The following MIPOL1 variants were observed in gnomAD, a reference collection of about 807,000 sequenced individuals.
The protein encoded by MIPOL1 is mirror-image polydactyly 1.
A neutral mutation model predicts 60.9 loss-of-function variants in MIPOL1; 57 were observed. The ratio of observed to expected loss-of-function variants is 0.94; its 90% confidence interval spans 0.76 to 1.17. MIPOL1 has a LOEUF of 1.17. Ranked by LOEUF, MIPOL1 falls within the 50% of genes most tolerant of loss-of-function variation. The probability of loss-of-function intolerance (pLI) is 0.00; values close to 1 mark genes in which losing one functional copy is unlikely to be tolerated. For missense variants in MIPOL1, 551 were observed against 511.6 expected (o/e 1.08, Z -0.74); for synonymous variants, 179 against 168.8 (o/e 1.06, Z -0.47).
chr14:37,300,077 A>G (rs544346700), intron 7 of MIPOL1, among the ~76,000 whole-genome samples: 4 of 151,768 alleles, frequency 2.6e-5, no homozygotes, highest in Non-Finnish European at 5.9e-5. Flanking sequence ...TATTTTCCTA[A>G]TAGGATTTAC....
In MIPOL1 at chr14:37,542,371, C is replaced by T. The variant is rs553695509; in HGVS notation, c.1263-4534C>T. On this transcript the variant is annotated intron_variant, in intron 12 of 12. Transcript: ENST00000684589. ...TTCTCCTTTTTTATTTCTTCTCTCT[C>T]TAAACATTTCCATCCCCTCCTCTGG... 9.2e-5 allele frequency among the ~76,000 whole-genome samples: 14 copies of T among 152,150 alleles called. No individual in the cohort carries two copies. In the East Asian group the frequency reaches 2.7e-3, roughly 29 times the overall value.
chr14:37,282,120 TAAAAC>T (rs1474432100), intron 6 of MIPOL1, among the ~76,000 whole-genome samples: 1 of 152,082 alleles, frequency 6.6e-6, no homozygotes, highest in African/African-American at 2.4e-5. Flanking sequence ...ATATAACACT[TAAAAC>T]TAAAAGAGCA....
chr14:37,265,588 T>C (rs1009924334), intron 3 of MIPOL1, among the ~76,000 whole-genome samples: 4 of 152,152 alleles, frequency 2.6e-5, no homozygotes, highest in Non-Finnish European at 5.9e-5. Flanking sequence ...GAGGAGAGCA[T>C]TGAAAGCCTT....
chr14:37,344,177 A>G (rs1243828498), intron 9 of MIPOL1, among the ~76,000 whole-genome samples: 1 of 152,190 alleles, frequency 6.6e-6, no homozygotes, highest in East Asian at 1.9e-4. Flanking sequence ...CCAATACCTC[A>G]TAAATATTAT....
chr14:37,263,829 T>G (rs938366059), intron 3 of MIPOL1, among the ~76,000 whole-genome samples: 1 of 152,184 alleles, frequency 6.6e-6, no homozygotes, highest in African/African-American at 2.4e-5. Context: ...ATGAAAGAGA[T>G]AGAGGAATCA....
intron 9 of MIPOL1, among the ~76,000 whole-genome samples, chr14:37,354,097 G>T (rs1407930463): frequency 6.7e-6 from 1 of 150,364 alleles, no homozygotes; most frequent in Non-Finnish European, 1.5e-5. Flanking sequence ...AGAGATTCTG[G>T]TATGTTGTGT....
At chr14:37,495,421 A>G (rs919405790) in intron 11 of MIPOL1, among the ~76,000 whole-genome samples, 8 of 149,550 alleles carry the variant, frequency 5.3e-5, no homozygotes, top group East Asian at 2.0e-4. Context: ...GAGAATGATG[A>G]TTTCCAATTT....
At chr14:37,528,874 G>A (rs958245067) in intron 12 of MIPOL1, among the ~76,000 whole-genome samples, 2 of 152,194 alleles carry the variant, frequency 1.3e-5, no homozygotes, top group African/African-American at 2.4e-5. Flanking sequence ...GACTGAGAGA[G>A]AAGGTTTGGA....
chr14:37,430,084 C>T (rs570741074), intron 11 of MIPOL1, among the ~76,000 whole-genome samples: 174 of 152,156 alleles, frequency 1.1e-3, no homozygotes, highest in African/African-American at 4.0e-3. Flanking sequence ...TTTGTCACAC[C>T]TCTGTTTTCT....
intron 11 of MIPOL1, among the ~76,000 whole-genome samples, chr14:37,469,628 T>G (rs1451243330): frequency 1.3e-5 from 2 of 152,164 alleles, no homozygotes; most frequent in South Asian, 4.1e-4. Flanking sequence ...CAGAAGTTTA[T>G]GGATTGGAAA....
At chr14:37,327,448 C>T (rs1474888) in intron 9 of MIPOL1, among the ~76,000 whole-genome samples, 147,460 of 152,224 alleles carry the variant, frequency 0.97, 71,501 homozygotes, top group East Asian at 1. Flanking sequence ...CCACCACACC[C>T]GGCTACTTTT....
chr14:37,525,632 A>T (rs1379814595), intron 12 of MIPOL1, among the ~76,000 whole-genome samples: 1 of 152,192 alleles, frequency 6.6e-6, no homozygotes, highest in African/African-American at 2.4e-5. Context: ...TTATAAAAGG[A>T]TGTTGTTCCC....
chr14:37,369,523 C>T lies in MIPOL1; in HGVS notation c.835C>T (p.Arg279Trp), dbSNP rs150750462. The T allele has an allele frequency of 7.6e-5, 123 of 1,609,834 alleles. 1 individual carries two copies. Among genetic ancestry groups the T allele is most frequent in the Non-Finnish European group, 9.0e-5 (106 of 1,177,430 alleles). Residue 279 changes from arginine to tryptophan, a missense_variant, in exon 10 of 13, where the codon CGG (arginine) becomes TGG (tryptophan). Arg to Trp is a moderately radical substitution (Grantham distance 101). Transcript: ENST00000684589. The stretch of plus-strand genomic sequence containing the variant: ...GATTCTTCCCCTGTGGCAGTGCAAA[C>T]GGTTAGAGCAGGAGCTTCATCATGT... ...ERDAALSKCK[R>W]LEQELHHVKE...
intron 1 of MIPOL1, among the ~76,000 whole-genome samples, chr14:37,244,224 A>G (rs1014151778): frequency 3.5e-5 from 5 of 143,648 alleles, no homozygotes; most frequent in African/African-American, 1.3e-4. Flanking sequence ...GGTTCAAGCA[A>G]TTCTCCTGCC....
At chr14:37,314,426 T>C (rs999366267) in intron 9 of MIPOL1, among the ~76,000 whole-genome samples, 2 of 152,160 alleles carry the variant, frequency 1.3e-5, no homozygotes, top group African/African-American at 2.4e-5. Context: ...AATCTAGTGA[T>C]GTAATGAAGA....
At chr14:37,489,192 T>C (rs149790776) in intron 11 of MIPOL1, among the ~76,000 whole-genome samples, 253 of 152,326 alleles carry the variant, frequency 1.7e-3, no homozygotes, top group African/African-American at 5.6e-3. Flanking sequence ...GTCGTCACAC[T>C]TTATTTCATT....
chr14:37,464,504 T>A (rs1396729340), intron 11 of MIPOL1, among the ~76,000 whole-genome samples: 1 of 152,172 alleles, frequency 6.6e-6, no homozygotes, highest in Non-Finnish European at 1.5e-5. Context: ...CTCTGTGTTC[T>A]CATAACTTAT....
At chr14:37,441,186 T>C (rs1310858244) in intron 11 of MIPOL1, among the ~76,000 whole-genome samples, 1 of 152,212 alleles carries the variant, frequency 6.6e-6, no homozygotes, top group African/African-American at 2.4e-5. Flanking sequence ...ATTCTTCAGG[T>C]TGTCTGTTCA....
At chr14:37,399,079 T>C (rs868306141) in intron 10 of MIPOL1, among the ~76,000 whole-genome samples, 66 of 152,208 alleles carry the variant, frequency 4.3e-4, no homozygotes, top group African/African-American at 1.4e-3. Context: ...CTCTACACTA[T>C]AAGGGGCCAA....
Sources: gnomAD v4.1 joint callset for allele counts (sites outside exome capture counted in the v4.1 genomes callset) on GRCh38, gnomAD v4.1.1 for gene constraint, MANE v1.5 for transcripts, NCBI Gene and HGNC (gene_info 2026-07-23, HGNC 2026-07-21) for gene names.